ITGA9: variants seen among roughly 807,000 people sequenced by gnomAD.
The protein encoded by ITGA9 is integrin subunit alpha 9.
ITGA9 carries 56 observed loss-of-function variants against 127.8 expected under a neutral mutation model. The ratio of observed to expected loss-of-function variants is 0.44; its 90% CI spans 0.35 to 0.55. The LOEUF is 0.55. ITGA9 is among the 20% of genes least tolerant of loss of function. The pLI is 0.00. For missense variants in ITGA9, 1,196 were observed against 1,347.1 expected (o/e 0.89, Z 1.76); for synonymous variants, 508 against 514.5 (o/e 0.99, Z 0.17).
intron 15 of ITGA9, among the ~76,000 whole-genome samples, chr3:37,607,628 C>G (rs1229032963): frequency 6.6e-6 from 1 of 152,074 alleles, no homozygotes; most frequent in Non-Finnish European, 1.5e-5. Flanking sequence ...GGCAAAAGAC[C>G]CTTGAAAGAT....
intron 17 of ITGA9, among the ~76,000 whole-genome samples, chr3:37,674,849 C>G (rs1700667031): frequency 6.6e-6 from 1 of 152,200 alleles, no homozygotes; most frequent in African/African-American, 2.4e-5. Context: ...CTCCTTGTGA[C>G]AGTTACGCAA....
chr3:37,472,470 C>T (rs1257674259), intron 2 of ITGA9, among the ~76,000 whole-genome samples: 1 of 152,188 alleles, frequency 6.6e-6, no homozygotes, highest in African/African-American at 2.4e-5. Context: ...ACAATCTCTG[C>T]TCACTGCAAC....
chr3:37,799,694 T>C lies in ITGA9; in HGVS notation c.2890-4129T>C, dbSNP rs1230449321. Among the ~76,000 whole-genome samples the C allele has an allele frequency of 6.6e-6, 1 of 152,076 alleles. No individual in the cohort carries two copies. The highest frequency in any genetic ancestry group is 1.5e-5 in the Non-Finnish European group (1 of 68,012). On this transcript the variant is annotated intron_variant, in intron 26 of 27. Transcript: ENST00000264741. This position sits in a 1 kb window ranked among gnomAD's most constrained non-coding sequence, Gnocchi z 4.0. ...GACCTGTGCCTTAGAAAAACAACTC[T>C]ATCAGCAAGGAGGCCTTTCCAAGCC... is the stretch of plus-strand genomic sequence containing the variant.
At chr3:37,589,754 C>G in intron 15 of ITGA9, among the ~76,000 whole-genome samples, 1 of 152,154 alleles carries the variant, frequency 6.6e-6, no homozygotes, top group Non-Finnish European at 1.5e-5. Context: ...GCCAGTGTGT[C>G]TAGAGCAGAA....
At chr3:37,456,720 G>A (rs975190771) in intron 1 of ITGA9, among the ~76,000 whole-genome samples, 1 of 152,226 alleles carries the variant, frequency 6.6e-6, no homozygotes, top group Non-Finnish European at 1.5e-5. Context: ...TTGTCAGAGT[G>A]TTGTTCAGTG....
intron 21 of ITGA9, among the ~76,000 whole-genome samples, chr3:37,742,191 G>T (rs534048023): frequency 6.6e-6 from 1 of 152,282 alleles, no homozygotes; most frequent in East Asian, 1.9e-4. Flanking sequence ...ATCTCAGCTG[G>T]AAGTTGCTGG....
intron 15 of ITGA9, among the ~76,000 whole-genome samples, chr3:37,589,375 A>T (rs1298344475): frequency 6.6e-6 from 1 of 152,220 alleles, no homozygotes; most frequent in African/African-American, 2.4e-5. Flanking sequence ...CCAGTGAACA[A>T]GAGAAGCAAA....
intron 26 of ITGA9, among the ~76,000 whole-genome samples, chr3:37,798,219 G>A (rs774735287): frequency 1.4e-4 from 22 of 152,078 alleles, no homozygotes; most frequent in Non-Finnish European, 2.8e-4. Context: ...TGAACTCCTA[G>A]GCTCAAGCAA....
rs531091158 is a variant in ITGA9, at chr3:37,726,577, G to A, written c.2068-6135G>A. Reference sequence around the variant, plus strand: ...CCAACCACTGCACGTTACAAACAGGGCTGTAGCCTGGGTCTACTGGCCAAG... The same window carrying A: ...CCAACCACTGCACGTTACAAACAGGACTGTAGCCTGGGTCTACTGGCCAAG... On this transcript the variant is annotated intron_variant, in intron 18 of 27. Transcript: ENST00000264741. 3.3e-5 allele frequency among the ~76,000 whole-genome samples: 5 copies of A among 152,332 alleles called. No individual in the cohort carries two copies. The South Asian group carries it at 1.0e-3, about 32-fold the overall frequency.
chr3:37,572,935 T>C (rs1292268401), intron 15 of ITGA9, among the ~76,000 whole-genome samples: 1 of 152,132 alleles, frequency 6.6e-6, no homozygotes, highest in African/African-American at 2.4e-5. Flanking sequence ...ATGTGTAGGC[T>C]TTGGTAAGAT....
chr3:37,691,867 T>C (rs753189580), intron 18 of ITGA9, among the ~76,000 whole-genome samples: 14 of 152,330 alleles, frequency 9.2e-5, no homozygotes, highest in Non-Finnish European at 1.5e-4. Flanking sequence ...CTCATGATGT[T>C]TTGAAAACTA....
At chr3:37,618,995 G>A (rs749194539) in intron 15 of ITGA9, among the ~76,000 whole-genome samples, 6 of 152,176 alleles carry the variant, frequency 3.9e-5, no homozygotes, top group Non-Finnish European at 8.8e-5. Context: ...ACACTCCCCA[G>A]TGAGGTGAAC....
chr3:37,726,072 G>A (rs531344301), intron 18 of ITGA9, among the ~76,000 whole-genome samples: 37 of 152,336 alleles, frequency 2.4e-4, no homozygotes, highest in Admixed American at 7.2e-4. Context: ...TGCTGAGAAT[G>A]TTTTCTGTTA....
chr3:37,722,413 G>C (rs913597394), intron 18 of ITGA9, among the ~76,000 whole-genome samples: 1 of 152,178 alleles, frequency 6.6e-6, no homozygotes, highest in African/African-American at 2.4e-5. Context: ...GTCAATTTTA[G>C]AACATTTCAT....
At chr3:37,568,308 C>G (rs1434365961) in intron 15 of ITGA9, among the ~76,000 whole-genome samples, 1 of 152,188 alleles carries the variant, frequency 6.6e-6, no homozygotes, top group Non-Finnish European at 1.5e-5. Context: ...CAGGGGGACC[C>G]CAGGCCTGGC....
At chr3:37,492,031 A>C (rs1698678961) in intron 4 of ITGA9, among the ~76,000 whole-genome samples, 1 of 152,178 alleles carries the variant, frequency 6.6e-6, no homozygotes, top group South Asian at 2.1e-4. Flanking sequence ...ACTTTCCTAG[A>C]CTAGAGTTGC....
intron 27 of ITGA9, among the ~76,000 whole-genome samples, chr3:37,810,954 T>C (rs1453629458): frequency 6.6e-6 from 1 of 152,244 alleles, no homozygotes; most frequent in Non-Finnish European, 1.5e-5. Context: ...CTCATCTGCC[T>C]CTGACCCTGT....
At chr3:37,546,758 C>A (rs1337153380) in intron 15 of ITGA9, among the ~76,000 whole-genome samples, 1 of 152,146 alleles carries the variant, frequency 6.6e-6, no homozygotes, top group Non-Finnish European at 1.5e-5. Context: ...TCTGTCTGGA[C>A]TGACTGCTGG....
At chr3:37,596,747 C>T (rs1023363761) in intron 15 of ITGA9, among the ~76,000 whole-genome samples, 1 of 152,166 alleles carries the variant, frequency 6.6e-6, no homozygotes, top group African/African-American at 2.4e-5. Context: ...CTTGTTCCCT[C>T]TTGGGAGTTG....
Sources: allele counts gnomAD v4.1 joint callset (sites outside exome capture counted in the v4.1 genomes callset), GRCh38; gene constraint gnomAD v4.1.1; non-coding constraint Gnocchi (gnomAD v3.1); transcripts MANE v1.5; gene names NCBI Gene and HGNC (gene_info 2026-07-23, HGNC 2026-07-21).